The following WDR27 variants were observed in gnomAD, a reference collection of about 807,000 sequenced individuals.
WDR27 encodes WD repeat domain 27.
A neutral mutation model predicts 114.4 loss-of-function variants in WDR27; 100 were observed. The ratio of observed to expected loss-of-function variants is 0.87; its 90% CI spans 0.74 to 1.03. WDR27 has a LOEUF of 1.03. Among genes scored for constraint, WDR27 ranks in the 50% least tolerant of loss-of-function variants. The pLI, the probability that WDR27 is intolerant of heterozygous loss-of-function variation, is 0.00. For missense variants in WDR27, 1,129 were observed against 1,092.9 expected, an observed-to-expected ratio of 1.03 and a Z score of -0.47; for synonymous variants, 449 against 423.1, an observed-to-expected ratio of 1.06 and a Z score of -0.75.
chr6:169,577,585 G>A (rs1229786268), intron 24 of WDR27, among the ~76,000 whole-genome samples: 1 of 152,140 alleles, frequency 6.6e-6, no homozygotes, highest in Non-Finnish European at 1.5e-5. Context: ...GGACGACGGC[G>A]CCTCCGGAAG....
chr6:169,437,079 G>A, the WDR27 span, among the ~76,000 whole-genome samples: 1 of 151,998 alleles, frequency 6.6e-6, no homozygotes, highest in Non-Finnish European at 1.5e-5. Context: ...CAAAGATAGG[G>A]GGAAGAAAAA....
chr6:169,479,716 T>C (rs906153299), intron 25 of WDR27, among the ~76,000 whole-genome samples: 1 of 152,258 alleles, frequency 6.6e-6, no homozygotes, highest in Non-Finnish European at 1.5e-5. Context: ...GTCATTTCTT[T>C]TAACTTTTAT....
chr6:169,612,111 C>A (rs752097008), intron 22 of WDR27, among the ~76,000 whole-genome samples: 1 of 150,148 alleles, frequency 6.7e-6, no homozygotes, highest in Non-Finnish European at 1.5e-5. Flanking sequence ...ACTCCAGCCT[C>A]GGTGACAGAG....
At chr6:169,436,896 A>G in the WDR27 span, among the ~76,000 whole-genome samples, 1 of 152,140 alleles carries the variant, frequency 6.6e-6, no homozygotes, top group Non-Finnish European at 1.5e-5. Flanking sequence ...ACATTATAAA[A>G]TACATATTGG....
At chr6:169,553,753 A>G (rs1798507917) in intron 25 of WDR27, among the ~76,000 whole-genome samples, 1 of 152,238 alleles carries the variant, frequency 6.6e-6, no homozygotes, top group Non-Finnish European at 1.5e-5. Context: ...CTCTTCTCCC[A>G]GAACAAACTG....
intron 7 of WDR27, 51 bp from the exon 8 acceptor site, chr6:169,664,337 G>C: frequency 6.2e-7 from 1 of 1,610,622 alleles, no homozygotes. Flanking sequence ...GGGTCCTGAC[G>C]CAGAAGCAGC....
intron 25 of WDR27, among the ~76,000 whole-genome samples, chr6:169,496,066 C>A (rs1194313230): frequency 6.6e-6 from 1 of 151,978 alleles, no homozygotes; most frequent in Non-Finnish European, 1.5e-5. Context: ...GGATTACAAA[C>A]CATGATCAAC....
At chr6:169,687,020 A>T (rs1783160032) in intron 2 of WDR27, among the ~76,000 whole-genome samples, 1 of 152,154 alleles carries the variant, frequency 6.6e-6, no homozygotes, top group Non-Finnish European at 1.5e-5. Flanking sequence ...GAAGTGAGAG[A>T]AGGGATAAAA....
intron 19 of WDR27, 45 bp downstream of exon 19, chr6:169,636,326 G>T (rs1391082009): frequency 6.3e-7 from 1 of 1,596,140 alleles, no homozygotes; most frequent in Non-Finnish European, 8.5e-7. Context: ...TATTGAAACA[G>T]CTTCCTGTGA....
intron 24 of WDR27, among the ~76,000 whole-genome samples, chr6:169,578,121 T>G (rs1037692164): frequency 1.3e-5 from 2 of 152,252 alleles, no homozygotes; most frequent in African/African-American, 2.4e-5. Context: ...GTGCTGACCC[T>G]GGAGCATGCT....
intron 25 of WDR27, among the ~76,000 whole-genome samples, chr6:169,561,225 A>G (rs1799631976): frequency 6.6e-6 from 1 of 152,102 alleles, no homozygotes; most frequent in African/African-American, 2.4e-5. Context: ...CATGGTAGAA[A>G]GCGCCAACAA....
intron 25 of WDR27, among the ~76,000 whole-genome samples, chr6:169,511,400 A>G (rs1792842018): frequency 6.6e-6 from 1 of 152,226 alleles, no homozygotes; most frequent in African/African-American, 2.4e-5. Flanking sequence ...GTGAAATTTC[A>G]TTACAGATCA....
chr6:169,636,311 C>T (rs1227126026), intron 19 of WDR27, 60 bp downstream of exon 19: 17 of 1,579,050 alleles, frequency 1.1e-5, no homozygotes, highest in Non-Finnish European at 1.5e-5. Flanking sequence ...CTTTCAACAT[C>T]ACATTATTGA....
intron 16 of WDR27, among the ~76,000 whole-genome samples, chr6:169,646,259 A>G (rs557915225): frequency 6.6e-6 from 1 of 152,328 alleles, no homozygotes. Context: ...CAGGATGAGC[A>G]GCAGGATGAG....
intron 25 of WDR27, among the ~76,000 whole-genome samples, chr6:169,542,983 T>G (rs1205200426): frequency 6.6e-6 from 1 of 152,038 alleles, no homozygotes; most frequent in Non-Finnish European, 1.5e-5. Flanking sequence ...ATCTCAAATG[T>G]ATTTTAGACT....
chr6:169,604,925 C>T (rs1307252583), intron 22 of WDR27, among the ~76,000 whole-genome samples: 1 of 151,516 alleles, frequency 6.6e-6, no homozygotes, highest in Non-Finnish European at 1.5e-5. Flanking sequence ...TCAATGAAAA[C>T]TAAGCATTGA....
intron 25 of WDR27, among the ~76,000 whole-genome samples, chr6:169,481,521 G>C (rs901994765): frequency 1.3e-5 from 2 of 152,010 alleles, no homozygotes; most frequent in Admixed American, 1.3e-4. Context: ...CTCACTCTTC[G>C]GGTTCGTGGC....
chr6:169,652,501 C>G (rs1035470027), intron 13 of WDR27, among the ~76,000 whole-genome samples: 2 of 152,242 alleles, frequency 1.3e-5, no homozygotes, highest in Non-Finnish European at 2.9e-5. Flanking sequence ...CCTGCCGCAG[C>G]CTCCCAAAAT....
chr6:169,437,886 T>C, the WDR27 span, among the ~76,000 whole-genome samples: 2 of 152,180 alleles, frequency 1.3e-5, no homozygotes, highest in African/African-American at 2.4e-5. Context: ...ACTGTATTCT[T>C]GGCTCTTCTT....
Sources: gnomAD v4.1 joint callset for allele counts (sites outside exome capture counted in the v4.1 genomes callset) on GRCh38, gnomAD v4.1.1 for gene constraint, MANE v1.5 for transcripts, NCBI Gene and HGNC (gene_info 2026-07-23, HGNC 2026-07-21) for gene names.